Variants in TEX11 observed in about 807,000 individuals in gnomAD.
TEX11 encodes the protein testis expressed 11.
TEX11 carries 7 observed loss-of-function variants against 84.4 expected under a neutral mutation model. That is an observed-to-expected ratio of 0.08 (90% CI 0.05 to 0.16). The LOEUF (loss-of-function observed/expected upper bound fraction) is 0.16, where lower values mean the gene tolerates loss of function less well. Ranked by LOEUF, TEX11 falls within the 10% of genes least tolerant of loss-of-function variation. The pLI is 1.00. For missense variants in TEX11, 551 were observed against 660.5 expected, an observed-to-expected ratio of 0.83 and a Z score of 1.82; for synonymous variants, 264 against 222.8, an observed-to-expected ratio of 1.18 and a Z score of -1.64.
chrX:70,704,790 T>A lies in TEX11; in HGVS notation c.1004+17828A>T, dbSNP rs762097427. ...CCTTACTTTTATCGTTTATGACAAG[T>A]GCTAATTTGTATGACTTATGGCTTT... On this transcript the variant is annotated intron_variant, in intron 13 of 29. Coordinates refer to ENST00000374333, the MANE Select transcript of TEX11 (RefSeq NM_031276.3). 3.6e-5 allele frequency among the ~76,000 whole-genome samples: 4 copies of A among 111,135 alleles called. No individual in the cohort carries two copies. In the South Asian group the frequency reaches 1.2e-3, roughly 32 times the overall value.
At chrX:70,697,612 C>G (rs2090291310) in intron 13 of TEX11, among the ~76,000 whole-genome samples, 1 of 112,042 alleles carries the variant, frequency 8.9e-6, no homozygotes, top group Admixed American at 9.5e-5. Context: ...TCCAGGAATA[C>G]TAACCTTATG....
intron 24 of TEX11, among the ~76,000 whole-genome samples, chrX:70,597,866 A>G: frequency 1.8e-5 from 2 of 112,442 alleles, no homozygotes; most frequent in Non-Finnish European, 3.8e-5. Context: ...TAGTATAAAG[A>G]ATATATAAAG....
intron 25 of TEX11, among the ~76,000 whole-genome samples, chrX:70,568,766 G>A (rs1442912990): frequency 2.9e-4 from 32 of 111,480 alleles, no homozygotes; most frequent in Admixed American, 4.8e-4. Flanking sequence ...AGTTTCTGCC[G>A]AGAGATCAGC....
intron 7 of TEX11, among the ~76,000 whole-genome samples, chrX:70,851,349 A>T (rs1361302149): frequency 8.9e-6 from 1 of 112,106 alleles, no homozygotes; most frequent in Non-Finnish European, 1.9e-5. Context: ...ATGGGGAAAG[A>T]ATAGTCTTCT....
chrX:70,552,319 C>T, intron 27 of TEX11, 73 bp from the exon 28 acceptor site: 1 of 1,133,077 alleles, frequency 8.8e-7, no homozygotes, highest in Non-Finnish European at 1.2e-6. Context: ...ATAAGTAAAA[C>T]CTGGATCTCA....
chrX:70,692,917 T>C (rs934035233), intron 13 of TEX11, among the ~76,000 whole-genome samples: 3 of 111,823 alleles, frequency 2.7e-5, no homozygotes, highest in African/African-American at 9.8e-5. Flanking sequence ...ACAGGGGTTC[T>C]ACCATTTTAC....
intron 13 of TEX11, among the ~76,000 whole-genome samples, chrX:70,705,146 T>C (rs2090361242): frequency 9.0e-6 from 1 of 111,466 alleles, no homozygotes; most frequent in South Asian, 3.8e-4. Context: ...TTCTGTTCCA[T>C]TGGTCTATAT....
Position 70,876,701 on chromosome X carries a change from G to C in TEX11, c.159+3287C>G, listed in dbSNP as rs181865477. ...ACTGGGAGGCCAAAGAGGGCAGATTGCTTGAGCTCAGGATTTCAAGACTAG... is the reference window on the plus strand; with the variant it reads ...ACTGGGAGGCCAAAGAGGGCAGATTCCTTGAGCTCAGGATTTCAAGACTAG... On this transcript the variant is annotated intron_variant, in intron 3 of 29. Coordinates refer to ENST00000374333, the MANE Select transcript of TEX11 (RefSeq NM_031276.3). 5.4e-5 allele frequency among the ~76,000 whole-genome samples: 6 copies of C among 111,552 alleles called. No individual in the cohort carries two copies. In the East Asian group the frequency reaches 1.7e-3, roughly 31 times the overall value.
In TEX11 at chrX:70,877,034, C is replaced by G. The variant is rs754255108; in HGVS notation, c.159+2954G>C. Among the ~76,000 whole-genome samples the G allele has an allele frequency of 5.4e-5, 6 of 111,873 alleles. 2 individuals carry two copies. In the Admixed American group the frequency reaches 5.7e-4, roughly 11 times the overall value. The stretch of plus-strand genomic sequence containing the variant: ...TACCACCGGGCACAGTGGCTCACAC[C>G]TGTAATCCCAGCACTTTGGGAGGCC... On this transcript the variant is annotated intron_variant, in intron 3 of 29. Transcript: ENST00000374333.
At chrX:70,744,074 C>T in intron 10 of TEX11, 91 bp downstream of exon 10, 1 of 439,058 alleles carries the variant, frequency 2.3e-6, no homozygotes, top group Non-Finnish European at 3.4e-6. Flanking sequence ...CTAATCTACT[C>T]ATAAATGGGG....
chrX:70,591,361 G>A (rs947243267), intron 25 of TEX11, among the ~76,000 whole-genome samples: 1 of 110,268 alleles, frequency 9.1e-6, no homozygotes, highest in African/African-American at 3.3e-5. Context: ...AGTACTTTGG[G>A]AGGCCGAGGT....
At position 70,616,888 on chromosome X, in the gene TEX11, G is replaced by A. The variant is rs187060692; in HGVS notation, c.1752-6345C>T. 1.2e-3 allele frequency among the ~76,000 whole-genome samples: 135 copies of A among 111,382 alleles called. No homozygotes were observed. In the Middle Eastern group the frequency reaches 0.014, roughly 12 times the overall value. ...GTTACCAGAGGCTGGGAAGGGTTGC[G>A]GGGGGTAGAAGGAAGTGAGGATGGT... is the stretch of plus-strand genomic sequence containing the variant. On this transcript the variant is annotated intron_variant, in intron 20 of 29. Coordinates refer to ENST00000374333, the MANE Select transcript of TEX11 (RefSeq NM_031276.3).
intron 2 of TEX11, among the ~76,000 whole-genome samples, chrX:70,883,139 TTTTTTG>T (rs974996249): frequency 1.8e-5 from 2 of 111,773 alleles, no homozygotes; most frequent in East Asian, 2.8e-4. Flanking sequence ...ATAAATTCTA[TTTTTTG>T]TTTTTGTTTT....
intron 8 of TEX11, among the ~76,000 whole-genome samples, chrX:70,831,782 C>CA (rs998340042): frequency 1.9e-4 from 21 of 110,366 alleles, no homozygotes; most frequent in Admixed American, 6.8e-4. Context: ...TATTTCTCCA[C>CA]AAAAAAAACC....
chrX:70,817,540 C>G (rs1369108548), intron 8 of TEX11, among the ~76,000 whole-genome samples: 1 of 111,093 alleles, frequency 9.0e-6, no homozygotes, highest in Admixed American at 9.6e-5. Flanking sequence ...AAAAATTAGC[C>G]GGGCGTGGTG....
At chrX:70,651,665 T>A in intron 16 of TEX11, 113 bp from the exon 17 acceptor site, 1 of 458,689 alleles carries the variant, frequency 2.2e-6, no homozygotes. Flanking sequence ...ACAATGAAAA[T>A]ATATGAATCT....
chrX:70,655,930 A>G (rs2089860325), intron 16 of TEX11, among the ~76,000 whole-genome samples: 1 of 111,479 alleles, frequency 9.0e-6, no homozygotes, highest in Non-Finnish European at 1.9e-5. Context: ...TTTAAATCCA[A>G]AACACCACTT....
chrX:70,825,399 T>G, intron 8 of TEX11, among the ~76,000 whole-genome samples: 1 of 109,664 alleles, frequency 9.1e-6, no homozygotes, highest in East Asian at 2.8e-4. Flanking sequence ...TGACAATGCT[T>G]GAAAATCTCA....
chrX:70,552,200 A>G lies in TEX11; in HGVS notation c.2446T>C (p.Ser816Pro). Residue 816 changes from serine to proline, a missense_variant, in exon 28 of 30, where the codon TCG becomes CCG. Ser to Pro is a moderately conservative substitution (Grantham distance 74). Coordinates refer to ENST00000374333, the MANE Select transcript of TEX11 (RefSeq NM_031276.3). ...LVNLSVPDGA[S>P]NVELCPLEEV... ...TCCAGGGGACAGAGCTCTACATTCGACGCCCCATCTGGCACTGAGAGGTTA... is the reference window on the plus strand; with the variant it reads ...TCCAGGGGACAGAGCTCTACATTCGGCGCCCCATCTGGCACTGAGAGGTTA... 8.3e-7 allele frequency: 1 copy of G among 1,211,316 alleles called. No individual in the cohort carries two copies. The highest frequency in any genetic ancestry group is 1.1e-6 in the Non-Finnish European group (1 of 895,273).
Sources: allele counts gnomAD v4.1 joint callset (sites outside exome capture counted in the v4.1 genomes callset), GRCh38; gene constraint gnomAD v4.1.1; transcripts MANE v1.5; gene names NCBI Gene and HGNC (gene_info 2026-07-23, HGNC 2026-07-21).